The following SLC4A9 variants were observed in gnomAD, a reference collection of about 807,000 sequenced individuals.
The protein encoded by SLC4A9 is anion exchange protein 4.
In SLC4A9, 102 loss-of-function variants were observed where a neutral mutation model predicts 103.2. The ratio of observed to expected loss-of-function variants is 0.99; its 90% CI spans 0.84 to 1.17. The LOEUF is 1.17. Among genes scored for constraint, SLC4A9 ranks in the 50% most tolerant of loss-of-function variants. The pLI is 0.00. For missense variants in SLC4A9, 1,091 were observed against 1,193.7 expected (o/e 0.91, Z 1.27); for synonymous variants, 453 against 483.6 (o/e 0.94, Z 0.83).
chr5:140,364,074 G>C lies in SLC4A9; in HGVS notation c.1275G>C (p.Leu425=). ...DGAQGVLESF[L]GTAVAGAAFC... ...TCCAGGGAGTGCTGGAAAGTTTCCT[G>C]GGCACAGCAGTGGCTGGAGCTGCCT... The change falls in exon 10 of 22, where the codon CTG becomes CTC. Residue 425 remains leucine (L), a synonymous_variant. Transcript: ENST00000506757. 2 of 1,560,368 alleles carry C rather than the reference G, an allele frequency of 1.3e-6. No individual in the cohort carries two copies. Among genetic ancestry groups the C allele is most frequent in the Non-Finnish European group, 8.7e-7 (1 of 1,155,084 alleles).
chr5:140,360,706 G>T (rs1420296480), intron 1 of SLC4A9, 106 bp from the exon 2 acceptor site: 2 of 1,544,582 alleles, frequency 1.3e-6, no homozygotes, highest in Non-Finnish European at 1.8e-6. Context: ...ACACCACTGG[G>T]CCCAGGATGC....
chr5:140,372,694 T>C lies in SLC4A9; in HGVS notation c.2827-51T>C, dbSNP rs1249236798. ...GGTTTACCTCTATGTTGTCTTTCAC[T>C]ATCTGTCTTTCTATCTATTCTCAAT... is the stretch of plus-strand genomic sequence containing the variant. On this transcript the variant is annotated intron_variant, in intron 20 of 21. Coordinates refer to ENST00000506757, the MANE Select transcript of SLC4A9 (RefSeq NM_031467.3). 1.0e-5 allele frequency: 15 copies of C among 1,489,640 alleles called. No homozygotes were observed. The East Asian group carries it at 2.5e-4, about 25-fold the overall frequency. 92.3% of individuals were successfully genotyped at this position (1,489,640 alleles called of 1,614,324 possible). A position where few individuals can be genotyped will look rare whatever the true frequency, so the allele number is the denominator to read the frequency against.
chr5:140,372,589 C>T lies in SLC4A9; in HGVS notation c.2827-156C>T, dbSNP rs555046006. 5.1e-4 allele frequency: 736 copies of T among 1,437,660 alleles called. 2 individuals carry two copies. In the African/African-American group the frequency reaches 8.2e-3, roughly 16 times the overall value. The allele number at this position is 1,437,660 out of a possible 1,614,324, so 89.1% of individuals were successfully genotyped here. A position where few individuals can be genotyped will look rare whatever the true frequency, so the allele number is the denominator to read the frequency against. On this transcript the variant is annotated intron_variant, in intron 20 of 21. Coordinates refer to ENST00000506757, the MANE Select transcript of SLC4A9 (RefSeq NM_031467.3). ...TCTTTCTTCATAGGACAGGGGCCCT[C>T]GATGTGGGTGGAAAGGGCTGAGGCT...
chr5:140,372,449 C>A, intron 20 of SLC4A9, 52 bp downstream of exon 20: 1 of 1,585,832 alleles, frequency 6.3e-7, no homozygotes, highest in Non-Finnish European at 8.5e-7. Flanking sequence ...TTTGGGAGAG[C>A]GTTCTTGTCC....
chr5:140,366,428 A>AGATCACAG, intron 14 of SLC4A9, among the ~76,000 whole-genome samples, 164 bp downstream of exon 14: 1 of 152,208 alleles, frequency 6.6e-6, no homozygotes, highest in Admixed American at 6.5e-5. Context: ...TGAGGATTAA[A>AGATCACAG]TGAAGTACTG....
In SLC4A9 at chr5:140,364,605, G is replaced by A. The variant is rs1338867355; in HGVS notation, c.1631G>A (p.Cys544Tyr). The A allele has an allele frequency of 6.2e-7, 1 of 1,601,252 alleles. No homozygotes were observed. Among genetic ancestry groups the A allele is most frequent in the Non-Finnish European group, 8.5e-7 (1 of 1,173,680 alleles). The stretch of plus-strand genomic sequence containing the variant: ...GGGTCCTCTGCCTACGGGTGCCTCT[G>A]CCAATACCCAGGCCCAGGAGGTGGG... ...KPGSSAYGCL[C>Y]QYPGPGGNES... The change falls in exon 11 of 22, where the codon TGC becomes TAC. Residue 544 changes from cysteine (C) to tyrosine (Y), a missense_variant. Physicochemically the swap from Cys to Tyr is radical, Grantham distance 194. Coordinates refer to ENST00000506757, the MANE Select transcript of SLC4A9 (RefSeq NM_031467.3).
At position 140,364,620 on chromosome 5, in the gene SLC4A9, C is replaced by A. The variant is rs1309080036; in HGVS notation, c.1646C>A (p.Pro549Gln). ...GGGTGCCTCTGCCAATACCCAGGCCCAGGAGGTGGGTAAGGGAAACAGGGA... is the reference window on the plus strand; with the variant it reads ...GGGTGCCTCTGCCAATACCCAGGCCAAGGAGGTGGGTAAGGGAAACAGGGA... ...AYGCLCQYPG[P>Q]GGNESQWIRT... The change falls in exon 11 of 22, where the codon CCA (proline) becomes CAA (glutamine). Residue 549 changes from proline to glutamine, a missense_variant. Coordinates refer to ENST00000506757, the MANE Select transcript of SLC4A9 (RefSeq NM_031467.3). 3 of 1,599,898 alleles carry A rather than the reference C, an allele frequency of 1.9e-6. 1 individual carries two copies. The South Asian group carries it at 3.4e-5, about 18-fold the overall frequency.
Position 140,362,972 on chromosome 5 carries a change from G to A in SLC4A9, c.868G>A (p.Ala290Thr). 1.1e-5 allele frequency: 17 copies of A among 1,613,422 alleles called. No homozygotes were observed. Among genetic ancestry groups the A allele is most frequent in the Non-Finnish European group, 1.4e-5 (17 of 1,179,698 alleles). The change falls in exon 7 of 22, where the codon GCA (alanine) becomes ACA (threonine). Residue 290 changes from alanine to threonine, a missense_variant. By Grantham distance (58) the Ala-to-Thr change is moderately conservative. Transcript: ENST00000506757. The part of the protein sequence containing the change: ...NLHDLLAALD[A>T]FLEEVTVLPP... ...TCATGACCTTCTGGCAGCCCTGGAT[G>A]CATTCCTAGAGGAGGTGACAGTGCT... is the stretch of plus-strand genomic sequence containing the variant.
intron 3 of SLC4A9, 29 bp from the exon 4 acceptor site, chr5:140,361,779 C>G (rs1410460850): frequency 1.2e-6 from 2 of 1,613,470 alleles, no homozygotes; most frequent in Admixed American, 3.3e-5. Flanking sequence ...AGCCTGTGGT[C>G]TTAATCACTG....
In SLC4A9 at chr5:140,360,777, C is replaced by T. The variant is rs376516903; in HGVS notation, c.231-35C>T. On this transcript the variant is annotated intron_variant, in intron 1 of 21. Transcript: ENST00000506757. ...TCTGCTCCTGGACATGGGAGAAATG[C>T]CCTCAATAACACTGTCTACCCACCT... 3 of 1,612,544 alleles carry T rather than the reference C, an allele frequency of 1.9e-6. No individual in the cohort carries two copies. In the African/African-American group the frequency reaches 4.0e-5, roughly 22 times the overall value.
At chr5:140,366,601 C>A (rs1002405522) in intron 14 of SLC4A9, among the ~76,000 whole-genome samples, 4 of 152,168 alleles carry the variant, frequency 2.6e-5, no homozygotes, top group African/African-American at 9.7e-5. Flanking sequence ...TCAATTTCTT[C>A]GTCTATAAAA....
chr5:140,366,149 A>G lies in SLC4A9; in HGVS notation c.1900-2A>G. On this transcript the variant is annotated splice_acceptor_variant, in intron 13 of 21. Transcript: ENST00000506757. LOFTEE classifies it high-confidence loss of function. ...CCTGACTGAGTGTCCACTGTGTGCC[A>G]GGTGCGCAAAGGGCTCAGCGACTTC... 1 of 1,613,090 alleles carries G rather than the reference A, an allele frequency of 6.2e-7. No homozygotes were observed. The highest frequency in any genetic ancestry group is 2.2e-5 in the East Asian group (1 of 44,866).
intron 17 of SLC4A9, among the ~76,000 whole-genome samples, chr5:140,369,058 C>A (rs1355618763): frequency 6.6e-6 from 1 of 152,134 alleles, no homozygotes; most frequent in African/African-American, 2.4e-5. Context: ...TGCGGTGGCT[C>A]ATGCCTGTAA....
Position 140,360,307 on chromosome 5 carries a change from A to C in SLC4A9, c.71A>C (p.Glu24Ala), listed in dbSNP as rs747428171. The change falls in exon 1 of 22, where the codon GAG (glutamate) becomes GCG (alanine). Residue 24 changes from glutamate (E) to alanine (A), a missense_variant. Transcript: ENST00000506757. ...GCTCCTAGAAATATTCCTTCAGGGG[A>C]GCTGGACAGCAACCCTGACCCTGGC... is the stretch of plus-strand genomic sequence containing the variant. Reference protein sequence around the residue: ...SSAPRNIPSGELDSNPDPGTG... With the variant: ...SSAPRNIPSGALDSNPDPGTG... 1 of 1,612,154 alleles carries C rather than the reference A, an allele frequency of 6.2e-7. No homozygotes were observed. The highest frequency in any genetic ancestry group is 8.5e-7 in the Non-Finnish European group (1 of 1,179,232).
Sources: gnomAD v4.1 joint callset for allele counts (sites outside exome capture counted in the v4.1 genomes callset) on GRCh38, gnomAD v4.1.1 for gene constraint, MANE v1.5 for transcripts, NCBI Gene and HGNC (gene_info 2026-07-23, HGNC 2026-07-21) for gene names.